Variants in N4BP1 observed in about 807,000 individuals in gnomAD.
The protein encoded by N4BP1 is NEDD4 binding protein 1.
N4BP1 carries 21 observed loss-of-function variants against 70.9 expected under a neutral mutation model. The observed-to-expected ratio is 0.30, with a 90% CI of 0.21 to 0.43. N4BP1 has a LOEUF of 0.43. Ranked by LOEUF, N4BP1 falls within the 20% of genes least tolerant of loss-of-function variation. The probability of loss-of-function intolerance (pLI) is 1.00; values close to 1 mark genes in which losing one functional copy is unlikely to be tolerated. For missense variants in N4BP1, 936 were observed against 1,069.4 expected, an observed-to-expected ratio of 0.88 and a Z score of 1.74; for synonymous variants, 387 against 394.6, an observed-to-expected ratio of 0.98 and a Z score of 0.23.
chr16:48,604,213 T>C lies in N4BP1; in HGVS notation c.198+5562A>G, dbSNP rs146978349. 6.6e-5 allele frequency among the ~76,000 whole-genome samples: 10 copies of C among 152,340 alleles called. No homozygotes were observed. The East Asian group carries it at 1.9e-3, about 29-fold the overall frequency. On this transcript the variant is annotated intron_variant, in intron 1 of 6. Coordinates refer to ENST00000262384, the MANE Select transcript of N4BP1 (RefSeq NM_153029.4). ...TCTGGGGATGAACTAGCACTGAGAC[T>C]GTACTGTACGCCACTGGGGCCTTCA...
intron 2 of N4BP1, among the ~76,000 whole-genome samples, chr16:48,560,104 A>G (rs1430761239): frequency 1.8e-5 from 1 of 56,060 alleles, no homozygotes; most frequent in Non-Finnish European, 3.2e-5. Flanking sequence ...TGCCCCTTAG[A>G]AAAAAAACCC....
intron 1 of N4BP1, among the ~76,000 whole-genome samples, chr16:48,597,821 T>C (rs758680307): frequency 2.0e-5 from 3 of 152,218 alleles, no homozygotes; most frequent in Non-Finnish European, 2.9e-5. Context: ...TCTGTGCATA[T>C]TGACTTGCTG....
chr16:48,600,417 T>C, intron 1 of N4BP1: 2 of 669,828 alleles, frequency 3.0e-6, no homozygotes, highest in Non-Finnish European at 5.6e-6. Flanking sequence ...GTGAGAGCTA[T>C]GGAATAAAAC....
chr16:48,558,466 G>A (rs1963790865), intron 2 of N4BP1, among the ~76,000 whole-genome samples: 1 of 152,066 alleles, frequency 6.6e-6, no homozygotes, highest in Non-Finnish European at 1.5e-5. Flanking sequence ...AAAGTGGGAG[G>A]GACTAGATTT....
chr16:48,587,157 A>G (rs1333666229), intron 1 of N4BP1: 1 of 152,228 alleles, frequency 6.6e-6, no homozygotes, highest in East Asian at 1.9e-4. Flanking sequence ...GTGGGTCTAC[A>G]ACAAAGGATG....
intron 4 of N4BP1, among the ~76,000 whole-genome samples, chr16:48,549,023 T>A (rs1963629087): frequency 6.6e-6 from 1 of 152,178 alleles, no homozygotes; most frequent in African/African-American, 2.4e-5. Flanking sequence ...CTGCTGATTA[T>A]TCATGCTTAG....
At chr16:48,562,978 T>TA (rs199991882) in intron 1 of N4BP1, among the ~76,000 whole-genome samples, 6 of 123,902 alleles carry the variant, frequency 4.8e-5, no homozygotes, top group Non-Finnish European at 6.6e-5. Context: ...ATAACATTAA[T>TA]AAAAAATTTT....
intron 1 of N4BP1, among the ~76,000 whole-genome samples, chr16:48,598,517 C>T (rs530841285): frequency 2.6e-5 from 4 of 152,010 alleles, no homozygotes; most frequent in Non-Finnish European, 4.4e-5. Context: ...TATTAAGATA[C>T]GGCATGAATA....
In N4BP1 at chr16:48,541,104, G is replaced by C. The variant is rs993885390; in HGVS notation, c.*1800C>G. ...GCCTAGCCAGCACCAACCAGCATGG[G>C]TGGAGACTCAGCCTGGCAGTAAGGG... On this transcript the variant is annotated 3_prime_UTR_variant, in exon 7 of 7. Transcript: ENST00000262384. The C allele has an allele frequency of 6.6e-6, 1 of 152,274 alleles. No individual in the cohort carries two copies. Among genetic ancestry groups the C allele is most frequent in the Non-Finnish European group, 1.5e-5 (1 of 68,078 alleles). The allele number at this position is 152,274 out of a possible 1,614,324, so 9.4% of individuals were successfully genotyped here.
At chr16:48,563,693 A>AT (rs912094933) in intron 1 of N4BP1, among the ~76,000 whole-genome samples, 6 of 152,186 alleles carry the variant, frequency 3.9e-5, no homozygotes, top group African/African-American at 1.2e-4. Flanking sequence ...ATATCCTATG[A>AT]TTTTTTTGTC....
chr16:48,564,767 T>G (rs969130575), intron 1 of N4BP1, among the ~76,000 whole-genome samples: 4 of 152,226 alleles, frequency 2.6e-5, no homozygotes, highest in Non-Finnish European at 5.9e-5. Context: ...TGAGCATAAC[T>G]GACATCTGCT....
chr16:48,559,488 A>T (rs914413466), intron 2 of N4BP1, among the ~76,000 whole-genome samples: 4 of 152,214 alleles, frequency 2.6e-5, no homozygotes, highest in African/African-American at 9.7e-5. Flanking sequence ...ATTAAATTAA[A>T]TTTGGCCTAA....
intron 1 of N4BP1, among the ~76,000 whole-genome samples, chr16:48,569,400 TTTTA>T (rs1279508159): frequency 6.6e-6 from 1 of 151,992 alleles, no homozygotes; most frequent in Non-Finnish European, 1.5e-5. Context: ...ATTATTTAAT[TTTTA>T]TTTTTGAGAC....
At chr16:48,605,488 T>C (rs1037441076) in intron 1 of N4BP1, among the ~76,000 whole-genome samples, 4 of 152,128 alleles carry the variant, frequency 2.6e-5, no homozygotes, top group Non-Finnish European at 5.9e-5. Flanking sequence ...CTCCCTTTTG[T>C]CTCTGAAATT....
rs1235745041 is a variant in N4BP1, at chr16:48,541,721, A to C, written c.*1183T>G. The C allele has an allele frequency of 6.6e-6, 1 of 152,666 alleles. No individual in the cohort carries two copies. Among genetic ancestry groups the C allele is most frequent in the African/African-American group, 2.4e-5 (1 of 41,468 alleles). 9.5% of individuals were successfully genotyped at this position (152,666 alleles called of 1,614,324 possible). A position where few individuals can be genotyped will look rare whatever the true frequency, so the allele number is the denominator to read the frequency against. ...AAGAGTAAAGATGTTAAGATTGCCCAGGAAAAGAACTTCACTGACACTGAA... is the reference window on the plus strand; with the variant it reads ...AAGAGTAAAGATGTTAAGATTGCCCCGGAAAAGAACTTCACTGACACTGAA... On this transcript the variant is annotated 3_prime_UTR_variant, in exon 7 of 7. Coordinates refer to ENST00000262384, the MANE Select transcript of N4BP1 (RefSeq NM_153029.4).
intron 1 of N4BP1, among the ~76,000 whole-genome samples, chr16:48,609,517 T>C (rs1227710740): frequency 1.3e-5 from 2 of 152,196 alleles, no homozygotes; most frequent in Non-Finnish European, 2.9e-5. Flanking sequence ...CATCCCCCAC[T>C]TTCATCCTCG....
At chr16:48,580,424 T>C (rs1964160058) in intron 1 of N4BP1, among the ~76,000 whole-genome samples, 1 of 152,036 alleles carries the variant, frequency 6.6e-6, no homozygotes, top group Non-Finnish European at 1.5e-5. Flanking sequence ...TGAGACTAAA[T>C]CAGTAATAAG....
chr16:48,561,817 G>A lies in N4BP1; in HGVS notation c.826C>T (p.Leu276Phe), dbSNP rs1273467538. ...INGLTPDEEA[L>F]SNERICQKRR... ...TTCTGACAAATTCTCTCATTGGAAA[G>A]TGCCTCTTCATCTGGGGTTAGACCA... Residue 276 changes from leucine to phenylalanine, a missense_variant, in exon 2 of 7, where the codon CTT becomes TTT. Leu to Phe is a conservative substitution (Grantham distance 22, BLOSUM62 0). This residue lies in a region of N4BP1 where 515 missense variants were observed against 491.7 expected (regional missense o/e 1.05). Coordinates refer to ENST00000262384, the MANE Select transcript of N4BP1 (RefSeq NM_153029.4). 1 of 1,613,566 alleles carries A rather than the reference G, an allele frequency of 6.2e-7. No homozygotes were observed. The highest frequency in any genetic ancestry group is 1.3e-5 in the African/African-American group (1 of 74,918).
chr16:48,573,609 A>T (rs1964053358), intron 1 of N4BP1, among the ~76,000 whole-genome samples: 1 of 152,040 alleles, frequency 6.6e-6, no homozygotes, highest in Non-Finnish European at 1.5e-5. Context: ...AAAAACAAAC[A>T]AACAAAAAAA....
Sources: gnomAD v4.1 joint callset for allele counts (sites outside exome capture counted in the v4.1 genomes callset) on GRCh38, gnomAD v4.1.1 for gene constraint, gnomAD v4.1.1 regional missense constraint, MANE v1.5 for transcripts, NCBI Gene and HGNC (gene_info 2026-07-23, HGNC 2026-07-21) for gene names.